YPEL2: variants seen among roughly 807,000 people sequenced by gnomAD.
YPEL2 encodes the protein protein yippee-like 2.
A neutral mutation model predicts 19.1 loss-of-function variants in YPEL2; 2 were observed. That is an observed-to-expected ratio of 0.10 (90% confidence interval 0.04 to 0.33). The LOEUF (loss-of-function observed/expected upper bound fraction) is 0.33, where lower values mean the gene tolerates loss of function less well. Among genes scored for constraint, YPEL2 ranks in the 10% least tolerant of loss-of-function variants. The pLI is 1.00. For missense variants in YPEL2, 66 were observed against 140.7 expected (o/e 0.47, Z 2.68); for synonymous variants, 52 against 50.0 (o/e 1.04, Z -0.17).
At chr17:59,341,379 G>A (rs183707981) in intron 1 of YPEL2, among the ~76,000 whole-genome samples, 3 of 149,278 alleles carry the variant, frequency 2.0e-5, no homozygotes, top group Non-Finnish European at 1.5e-5. Context: ...GCTACAGAGC[G>A]AGACTCCGTC....
chr17:59,334,392 G>C (rs370742134), intron 1 of YPEL2, among the ~76,000 whole-genome samples: 6 of 148,274 alleles, frequency 4.0e-5, no homozygotes, highest in African/African-American at 1.5e-4. Context: ...TTTTTATTTG[G>C]GGGGGGGTGA....
chr17:59,393,659 G>A (rs1434900409), intron 4 of YPEL2, among the ~76,000 whole-genome samples: 4 of 146,138 alleles, frequency 2.7e-5, no homozygotes, highest in South Asian at 4.4e-4. Flanking sequence ...AGGACCCTGC[G>A]GCCTTCCGCA....
At chr17:59,393,364 G>C (rs1013170390) in intron 4 of YPEL2, among the ~76,000 whole-genome samples, 1 of 150,840 alleles carries the variant, frequency 6.6e-6, no homozygotes, top group African/African-American at 2.4e-5. Context: ...TCTCAAACCG[G>C]CCTCAAGCAG....
intron 1 of YPEL2, among the ~76,000 whole-genome samples, chr17:59,342,717 C>T (rs977499798): frequency 5.5e-4 from 84 of 152,214 alleles, no homozygotes; most frequent in Non-Finnish European, 5.9e-5. Context: ...GAAAAGGGCA[C>T]ATTTGGCTCT....
At chr17:59,391,331 G>T (rs745474791) in intron 4 of YPEL2, among the ~76,000 whole-genome samples, 3 of 152,156 alleles carry the variant, frequency 2.0e-5, no homozygotes, top group Non-Finnish European at 2.9e-5. Context: ...GAGTCTGGAG[G>T]TGGGTAGCGG....
At chr17:59,369,771 C>T (rs1281427792) in intron 2 of YPEL2, among the ~76,000 whole-genome samples, 1 of 152,226 alleles carries the variant, frequency 6.6e-6, no homozygotes, top group Non-Finnish European at 1.5e-5. Flanking sequence ...TGTAGTAGTT[C>T]CCTGGAGGTC....
Position 59,397,764 on chromosome 17 carries a change from G to A in YPEL2, c.*574G>A, listed in dbSNP as rs1189579789. 2 of 152,292 alleles carry A rather than the reference G, an allele frequency of 1.3e-5. No individual in the cohort carries two copies. Among genetic ancestry groups the A allele is most frequent in the East Asian group, 3.9e-4 (2 of 5,188 alleles). The allele number at this position is 152,292 out of a possible 1,614,324, so 9.4% of individuals were successfully genotyped here. On this transcript the variant is annotated 3_prime_UTR_variant, in exon 5 of 5. Transcript: ENST00000312655. The stretch of plus-strand genomic sequence containing the variant: ...GAAGCTTCTGTTCCTGACACCAAAT[G>A]TGCCAGGTTAGCAAATGAGCACAAG...
At chr17:59,352,085 A>G (rs1445491791) in intron 1 of YPEL2, among the ~76,000 whole-genome samples, 3 of 152,258 alleles carry the variant, frequency 2.0e-5, no homozygotes, top group Admixed American at 2.0e-4. Flanking sequence ...GATGGATCCC[A>G]GACGTAGTCC....
At chr17:59,397,058 C>G (rs749843731) in intron 4 of YPEL2, 43 bp from the exon 5 acceptor site, 1 of 1,491,558 alleles carries the variant, frequency 6.7e-7, no homozygotes, top group Non-Finnish European at 9.2e-7. Flanking sequence ...ATTTTCTTGT[C>G]TTTGGTCGTT....
Position 59,356,345 on chromosome 17 carries a change from G to A in YPEL2, c.117+2819G>A, listed in dbSNP as rs116533609. 1.7e-3 allele frequency: 263 copies of A among 152,068 alleles called. 1 individual carries two copies. The highest frequency in any genetic ancestry group is 5.9e-3 in the African/African-American group (245 of 41,434). 9.4% of individuals were successfully genotyped at this position (152,068 alleles called of 1,614,324 possible). On this transcript the variant is annotated intron_variant, in intron 2 of 4. Coordinates refer to ENST00000312655, the MANE Select transcript of YPEL2 (RefSeq NM_001005404.4). ...GTGAGTGCTTTCATTATGAAGAAGG[G>A]GATACAAAGGTCTGAGTGTGACCAG...
intron 1 of YPEL2, among the ~76,000 whole-genome samples, chr17:59,342,798 A>C (rs1273904865): frequency 6.6e-6 from 1 of 152,068 alleles, no homozygotes; most frequent in Non-Finnish European, 1.5e-5. Context: ...CTGACACTTC[A>C]TTTTTTTGTG....
At chr17:59,385,374 T>C (rs950967734) in intron 2 of YPEL2, among the ~76,000 whole-genome samples, 4 of 151,038 alleles carry the variant, frequency 2.6e-5, no homozygotes, top group African/African-American at 9.8e-5. Context: ...AGCTCAGGAG[T>C]TTGAGACCAG....
At chr17:59,332,469 C>T (rs539340138) in intron 1 of YPEL2, among the ~76,000 whole-genome samples, 1 of 152,234 alleles carries the variant, frequency 6.6e-6, no homozygotes, top group East Asian at 1.9e-4. Context: ...TCCTGCCCGA[C>T]GGAACGCGGG....
chr17:59,376,980 G>C (rs917000511), intron 2 of YPEL2, among the ~76,000 whole-genome samples: 5 of 115,142 alleles, frequency 4.3e-5, no homozygotes, highest in African/African-American at 9.3e-5. Flanking sequence ...AAAAAACAAA[G>C]AAAAAGGAAA....
rs1391777911 is a variant in YPEL2 at position 59,398,344 on chromosome 17, TACTGTAG to T, written c.*1163_*1169del. The T allele has an allele frequency of 6.6e-6, 1 of 152,212 alleles. No homozygotes were observed. The highest frequency in any genetic ancestry group is 1.5e-5 in the Non-Finnish European group (1 of 68,048). 9.4% of individuals were successfully genotyped at this position (152,212 alleles called of 1,614,324 possible). A position where few individuals can be genotyped will look rare whatever the true frequency, so the allele number is the denominator to read the frequency against. ...TTCGGGTGTTTTTCTCCAGTCTTGT[TACTGTAG>T]ACTGTAGAAAGCACGGGCCCCAGGC... is the stretch of plus-strand genomic sequence containing the variant. On this transcript the variant is annotated 3_prime_UTR_variant, in exon 5 of 5. Coordinates refer to ENST00000312655, the MANE Select transcript of YPEL2 (RefSeq NM_001005404.4).
chr17:59,371,985 A>G (rs2047899511), intron 2 of YPEL2, among the ~76,000 whole-genome samples: 1 of 152,206 alleles, frequency 6.6e-6, no homozygotes, highest in African/African-American at 2.4e-5. Context: ...GTAACCAAGT[A>G]TCTGAAACCT....
At chr17:59,369,344 C>A (rs1376648005) in intron 2 of YPEL2, among the ~76,000 whole-genome samples, 1 of 152,170 alleles carries the variant, frequency 6.6e-6, no homozygotes, top group Non-Finnish European at 1.5e-5. Context: ...CAGTGATTCC[C>A]AAATCTGACA....
At chr17:59,369,626 G>A (rs1219945866) in intron 2 of YPEL2, among the ~76,000 whole-genome samples, 1 of 152,192 alleles carries the variant, frequency 6.6e-6, no homozygotes, top group Non-Finnish European at 1.5e-5. Context: ...GTATTTTAAC[G>A]AGTATCCCTG....
In YPEL2 at chr17:59,351,629, G is replaced by T. The variant is rs1047966009; in HGVS notation, c.-195-1586G>T. ...AGACCTAACTGAGGCAAAGCCGAGAGAATTATTTCCCACTTCCATTTCCTT... is the reference window on the plus strand; with the variant it reads ...AGACCTAACTGAGGCAAAGCCGAGATAATTATTTCCCACTTCCATTTCCTT... On this transcript the variant is annotated intron_variant, in intron 1 of 4. Transcript: ENST00000312655. Among the ~76,000 whole-genome samples the T allele has an allele frequency of 4.6e-5, 7 of 152,260 alleles. No individual in the cohort carries two copies. The East Asian group carries it at 1.4e-3, about 29-fold the overall frequency.
Sources: gnomAD v4.1 joint callset for allele counts (sites outside exome capture counted in the v4.1 genomes callset) on GRCh38, gnomAD v4.1.1 for gene constraint, MANE v1.5 for transcripts, NCBI Gene and HGNC (gene_info 2026-07-23, HGNC 2026-07-21) for gene names.